TTI2: variants seen among roughly 807,000 people sequenced by gnomAD.
TTI2 encodes the protein TELO2 interacting protein 2.
Under a neutral mutation model 44.9 loss-of-function variants are expected in TTI2, and 26 were observed. The ratio of observed to expected loss-of-function variants is 0.58; its 90% confidence interval spans 0.42 to 0.80. The LOEUF (loss-of-function observed/expected upper bound fraction) is 0.80, where lower values mean the gene tolerates loss of function less well. TTI2 is among the 30% of genes least tolerant of loss of function. The probability of loss-of-function intolerance (pLI) is 0.00; values close to 1 mark genes in which losing one functional copy is unlikely to be tolerated. For missense variants in TTI2, 582 were observed against 611.6 expected (o/e 0.95, Z 0.51); for synonymous variants, 254 against 250.9 (o/e 1.01, Z -0.12).
At chr8:33,509,132 CAAAAAAAAAAAAAA>C (rs751009227) in intron 3 of TTI2, among the ~76,000 whole-genome samples, 1 of 97,064 alleles carries the variant, frequency 1.0e-5, no homozygotes, top group Non-Finnish European at 2.0e-5. Context: ...GATAATGTCT[CAAAAAAAAAAAAAA>C]AAAAAGAAAG....
intron 4 of TTI2, 103 bp from the exon 5 acceptor site, chr8:33,504,038 A>G (rs986668008): frequency 1.7e-6 from 2 of 1,202,448 alleles, no homozygotes; most frequent in Non-Finnish European, 2.4e-6. Context: ...CTTAGGGTCC[A>G]TACCAGAGAA....
intron 5 of TTI2, 39 bp from the exon 6 acceptor site, chr8:33,503,611 C>T: frequency 1.2e-6 from 2 of 1,611,900 alleles, no homozygotes; most frequent in East Asian, 2.2e-5. Context: ...AGTGCAGTGG[C>T]TCATGCCTGT....
chr8:33,499,073 C>G lies in TTI2; in HGVS notation c.*100G>C. 1 of 1,025,884 alleles carries G rather than the reference C, an allele frequency of 9.7e-7. No individual in the cohort carries two copies. Among genetic ancestry groups the G allele is most frequent in the South Asian group, 1.4e-5 (1 of 72,980 alleles). 63.5% of individuals were successfully genotyped at this position (1,025,884 alleles called of 1,614,324 possible). A position where few individuals can be genotyped will look rare whatever the true frequency, so the allele number is the denominator to read the frequency against. On this transcript the variant is annotated 3_prime_UTR_variant, in exon 8 of 8. Coordinates refer to ENST00000431156, the MANE Select transcript of TTI2 (RefSeq NM_001102401.4). ...GGAAGGAAAAAGCAGCTTTCACTTA[C>G]AAAGTTTCGTGTAAAAATATCTTTT...
At chr8:33,511,854 A>C (rs543765171) in intron 2 of TTI2, 113 bp downstream of exon 2, 1 of 1,243,720 alleles carries the variant, frequency 8.0e-7, no homozygotes, top group East Asian at 2.6e-5. Context: ...GCAACATTGC[A>C]CTCCACCCTG....
Position 33,512,064 on chromosome 8 carries a change from C to A in TTI2, c.550G>T (p.Glu184Ter). The A allele has an allele frequency of 1.2e-6, 2 of 1,614,136 alleles. No individual in the cohort carries two copies. The highest frequency in any genetic ancestry group is 1.7e-6 in the Non-Finnish European group (2 of 1,180,034). Residue 184 changes from glutamate (E) to a stop codon, truncating the protein, a stop_gained, in exon 2 of 8, where the codon GAA becomes TAA. Coordinates refer to ENST00000431156, the MANE Select transcript of TTI2 (RefSeq NM_001102401.4). LOFTEE classifies it high-confidence loss of function. ...AGGAATCCTGCCACAGAACCGCATT[C>A]AGTAACTTGAAGCAGTGAGGTGAGC... ...EVLTSLLQVT[E>*]CGSVAGFLHG...
intron 6 of TTI2, among the ~76,000 whole-genome samples, chr8:33,502,780 C>T (rs1056122682): frequency 4.6e-5 from 7 of 151,858 alleles, no homozygotes; most frequent in African/African-American, 1.5e-4. Flanking sequence ...GAGCTGAGAT[C>T]GCGCCATTGC....
Position 33,500,338 on chromosome 8 carries a change from C to T in TTI2, c.1412G>A (p.Gly471Glu). Residue 471 changes from glycine (G) to glutamate (E), a missense_variant, in exon 7 of 8, where the codon GGA (glycine) becomes GAA (glutamate). Coordinates refer to ENST00000431156, the MANE Select transcript of TTI2 (RefSeq NM_001102401.4). The stretch of plus-strand genomic sequence containing the variant: ...TTCAGTCTGCCTTACCTTTACCCGT[C>T]CTTGAGAACAGCGGTCCAGGAGAAT... ...CLILLDRCSQ[G>E]RVKGLLAKIP... The T allele has an allele frequency of 6.2e-7, 1 of 1,614,116 alleles. No individual in the cohort carries two copies. Among genetic ancestry groups the T allele is most frequent in the Non-Finnish European group, 8.5e-7 (1 of 1,180,010 alleles).
In TTI2 at chr8:33,511,968, T is replaced by C. The variant is rs1222521677; in HGVS notation, c.646A>G (p.Lys216Glu). Residue 216 changes from lysine to glutamate, a missense_variant and splice_region_variant, in exon 2 of 8, where the codon AAG becomes GAG. Transcript: ENST00000431156. ...GTGGCAAAGGGCAGGAGTACTCACT[T>C]ATACAAGTCGGGTTTGAGAAGCCCT... ...ILGLLKPDLY[K>E]ESWKNNPAIK... 1.2e-6 allele frequency: 2 copies of C among 1,614,194 alleles called. No individual in the cohort carries two copies. The highest frequency in any genetic ancestry group is 1.1e-5 in the South Asian group (1 of 91,086).
chr8:33,511,369 A>G (rs1809521400), intron 2 of TTI2, among the ~76,000 whole-genome samples: 1 of 152,066 alleles, frequency 6.6e-6, no homozygotes, highest in African/African-American at 2.4e-5. Flanking sequence ...AACTCCAAGT[A>G]AGTGGGACAG....
At chr8:33,504,661 TA>T (rs886389339) in intron 4 of TTI2, among the ~76,000 whole-genome samples, 203 of 149,212 alleles carry the variant, frequency 1.4e-3, no homozygotes, top group African/African-American at 4.1e-3. Context: ...TGATGAGCTT[TA>T]AAAAAAAAAT....
chr8:33,503,709 C>T, intron 5 of TTI2, 39 bp downstream of exon 5: 5 of 1,611,322 alleles, frequency 3.1e-6, no homozygotes, highest in Non-Finnish European at 4.2e-6. Context: ...AAGATCCTGT[C>T]TGTATAAAAT....
chr8:33,500,116 C>G, intron 7 of TTI2: 1 of 537,860 alleles, frequency 1.9e-6, no homozygotes, highest in Non-Finnish European at 3.3e-6. Flanking sequence ...GATCCTCCTG[C>G]CTTTAGTTCT....
At chr8:33,512,824 G>T (rs965934592) in intron 1 of TTI2, 112 bp from the exon 2 acceptor site, 8 of 477,118 alleles carry the variant, frequency 1.7e-5, no homozygotes, top group Non-Finnish European at 3.0e-5. Context: ...GCAGTGAGCC[G>T]AGATCGCGCC....
At chr8:33,499,581 C>T (rs1808988702) in intron 7 of TTI2, 2 of 280,672 alleles carry the variant, frequency 7.1e-6, no homozygotes, top group East Asian at 8.0e-5. Context: ...TTGAAAACTG[C>T]CCAAGATTAA....
intron 3 of TTI2, among the ~76,000 whole-genome samples, chr8:33,509,032 A>T (rs979147143): frequency 6.6e-6 from 1 of 150,916 alleles, no homozygotes; most frequent in African/African-American, 2.4e-5. Flanking sequence ...ATCCCCAGCT[A>T]CTAGGGAGGC....
Position 33,503,785 on chromosome 8 carries a change from T to A in TTI2, c.1078A>T (p.Arg360Trp), listed in dbSNP as rs780235290. 6.8e-6 allele frequency: 11 copies of A among 1,613,860 alleles called. No individual in the cohort carries two copies. The highest frequency in any genetic ancestry group is 5.1e-6 in the Non-Finnish European group (6 of 1,180,012). The change falls in exon 5 of 8, where the codon AGG (arginine) becomes TGG (tryptophan). Residue 360 changes from arginine (R) to tryptophan (W), a missense_variant. By Grantham distance (101) the Arg-to-Trp change is moderately radical. Transcript: ENST00000431156. ...MEPEHRLLLR[R>W]TYARNLPAFV... ...GCCGGCAGGTTTCTTGCGTAGGTCC[T>A]GCGTAAAAGAAGGCGGTGCTCTGGC...
chr8:33,509,779 A>G lies in TTI2; in HGVS notation c.801T>C (p.Gly267=), dbSNP rs1009225285. The G allele has an allele frequency of 3.7e-6, 6 of 1,614,046 alleles. No individual in the cohort carries two copies. The African/African-American group carries it at 5.3e-5, about 14-fold the overall frequency. The stretch of plus-strand genomic sequence containing the variant: ...GCACAATGTGATGGAGACAGTGTAC[A>G]CCCAGGATTTTGTTCTCAGTCTGAT... ...DDYQTENKIL[G]VHCLHHIVLN... The change falls in exon 3 of 8, where the codon GGT becomes GGC. Residue 267 remains glycine, a synonymous_variant. Coordinates refer to ENST00000431156, the MANE Select transcript of TTI2 (RefSeq NM_001102401.4).
chr8:33,511,708 T>C (rs1023717955), intron 2 of TTI2, among the ~76,000 whole-genome samples: 2 of 151,838 alleles, frequency 1.3e-5, no homozygotes, highest in African/African-American at 2.4e-5. Flanking sequence ...GCCAACATGG[T>C]GAAACCCCGT....
chr8:33,509,022 A>T (rs1379623965), intron 3 of TTI2, among the ~76,000 whole-genome samples: 1 of 150,958 alleles, frequency 6.6e-6, no homozygotes, highest in African/African-American at 2.4e-5. Flanking sequence ...GCTACTAGGG[A>T]TCCCCAGCTA....
Sources: gnomAD v4.1 joint callset for allele counts (sites outside exome capture counted in the v4.1 genomes callset) on GRCh38, gnomAD v4.1.1 for gene constraint, MANE v1.5 for transcripts, NCBI Gene and HGNC (gene_info 2026-07-23, HGNC 2026-07-21) for gene names.